Variants in CSTF2 observed in about 807,000 individuals in gnomAD.
CSTF2 encodes the protein CF-1 64 kDa subunit.
CSTF2 carries 8 observed loss-of-function variants against 45.4 expected under a neutral mutation model. That is an observed-to-expected ratio of 0.18 (90% CI 0.10 to 0.32). CSTF2 has a LOEUF of 0.32. CSTF2 is among the 10% of genes least tolerant of loss of function. CSTF2 has a pLI of 1.00. For missense variants in CSTF2, 253 were observed against 477.1 expected (o/e 0.53, Z 4.38); for synonymous variants, 155 against 158.9 (o/e 0.98, Z 0.18).
chrX:100,833,071 G>A, intron 10 of CSTF2, 109 bp from the exon 11 acceptor site: 1 of 1,005,822 alleles, frequency 9.9e-7, no homozygotes, highest in Non-Finnish European at 1.3e-6. Flanking sequence ...GTTAATAGCT[G>A]AGGGGACAAA....
rs1054650278 is a variant in CSTF2, at chrX:100,841,334, A to G, written c.*624A>G. On this transcript the variant is annotated 3_prime_UTR_variant, in exon 14 of 14. Coordinates refer to ENST00000372972, the MANE Select transcript of CSTF2 (RefSeq NM_001325.3). ...ATTTGTTTCAATAGCAGGTCTGAAC[A>G]TGTATAATTCAGAGTTAAGACAAAA... 6.2e-5 allele frequency among the ~76,000 whole-genome samples: 7 copies of G among 112,461 alleles called. No individual in the cohort carries two copies. In the Admixed American group the frequency reaches 6.6e-4, roughly 11 times the overall value.
chrX:100,831,704 C>T, intron 9 of CSTF2, 48 bp downstream of exon 9: 11 of 1,174,777 alleles, frequency 9.4e-6, no homozygotes, highest in Non-Finnish European at 1.2e-5. Context: ...AGAATTGTCC[C>T]TTCTTCCCTG....
At chrX:100,836,117 CTAA>C (rs1349618616) in intron 11 of CSTF2, among the ~76,000 whole-genome samples, 1 of 112,087 alleles carries the variant, frequency 8.9e-6, no homozygotes, top group African/African-American at 3.2e-5. Context: ...CAAATCTGTA[CTAA>C]TGTTTCATCT....
At position 100,824,251 on chromosome X, in the gene CSTF2, G is replaced by C. The variant is rs779199625; in HGVS notation, c.696G>C (p.Gln232His). 19 of 1,203,898 alleles carry C rather than the reference G, an allele frequency of 1.6e-5. No individual in the cohort carries two copies. The Admixed American group carries it at 4.3e-4, about 27-fold the overall frequency. ...NQQNPQAPQA[Q>H]SLGGMHVNGA... ...AGAATCCTCAGGCCCCTCAGGCCCA[G>C]TCTTTGGTAGGGCTTTATCCCTTAA... is the stretch of plus-strand genomic sequence containing the variant. The change falls in exon 6 of 14, where the codon CAG (glutamine) becomes CAC (histidine). Residue 232 changes from glutamine (Q) to histidine (H), a missense_variant. Physicochemically the swap from Gln to His is conservative, Grantham distance 24 (BLOSUM62 0). Around this residue, in one of 3 missense-constraint regions of CSTF2, gnomAD observed 200 missense variants for 294.0 expected, o/e 0.68. Coordinates refer to ENST00000372972, the MANE Select transcript of CSTF2 (RefSeq NM_001325.3).
chrX:100,836,211 T>C (rs1358927672), intron 11 of CSTF2, among the ~76,000 whole-genome samples: 1 of 112,713 alleles, frequency 8.9e-6, no homozygotes, highest in Non-Finnish European at 1.9e-5. Flanking sequence ...GTTTTTTAAC[T>C]TTTTTAATAA....
chrX:100,833,060 T>C, intron 10 of CSTF2, 120 bp from the exon 11 acceptor site: 1 of 978,483 alleles, frequency 1.0e-6, no homozygotes, highest in Non-Finnish European at 1.4e-6. Flanking sequence ...TAGTCTCATA[T>C]GTTAATAGCT....
intron 12 of CSTF2, among the ~76,000 whole-genome samples, chrX:100,837,981 G>A (rs1313665891): frequency 1.8e-5 from 2 of 111,484 alleles, no homozygotes; most frequent in East Asian, 2.8e-4. Context: ...GTTTTGAATC[G>A]TCTAATCTTA....
At chrX:100,830,201 C>T (rs2084967131) in intron 8 of CSTF2, among the ~76,000 whole-genome samples, 1 of 112,259 alleles carries the variant, frequency 8.9e-6, no homozygotes, top group African/African-American at 3.2e-5. Context: ...TGTTTATTAT[C>T]AAAGACTTGC....
At position 100,830,510 on chromosome X, in the gene CSTF2, C is replaced by T. The variant is rs183892719; in HGVS notation, c.890-1005C>T. Among the ~76,000 whole-genome samples the T allele has an allele frequency of 2.2e-4, 24 of 111,307 alleles. No individual in the cohort carries two copies. The Admixed American group carries it at 2.2e-3, about 10-fold the overall frequency. ...CTAATGATTTCATAAGGAGACCTAA[C>T]GGAAAACTAGTAGCAGAGGTGAAAA... is the stretch of plus-strand genomic sequence containing the variant. On this transcript the variant is annotated intron_variant, in intron 8 of 13. Coordinates refer to ENST00000372972, the MANE Select transcript of CSTF2 (RefSeq NM_001325.3).
At chrX:100,825,458 TAATA>T (rs1209444231) in intron 6 of CSTF2, among the ~76,000 whole-genome samples, 1 of 111,921 alleles carries the variant, frequency 8.9e-6, no homozygotes, top group Non-Finnish European at 1.9e-5. Flanking sequence ...TAAGATAATG[TAATA>T]AATTATCATT....
At chrX:100,839,607 G>A (rs1039507885) in intron 13 of CSTF2, among the ~76,000 whole-genome samples, 3 of 111,599 alleles carry the variant, frequency 2.7e-5, no homozygotes, top group African/African-American at 9.8e-5. Context: ...CATCATATAT[G>A]TATTTAGACC....
At position 100,831,549 on chromosome X, in the gene CSTF2, G is replaced by A; in HGVS notation, c.924G>A (p.Arg308=). Residue 308 remains arginine, a synonymous_variant, in exon 9 of 14, where the codon CGG becomes CGA. Transcript: ENST00000372972. ...PMQDPRAAMQ[R]GSLPANVPTP... ...AAGACCCCAGAGCAGCTATGCAGCGGGGATCCTTGCCTGCGAATGTCCCAA... is the reference window on the plus strand; with the variant it reads ...AAGACCCCAGAGCAGCTATGCAGCGAGGATCCTTGCCTGCGAATGTCCCAA... The A allele has an allele frequency of 1.7e-6, 2 of 1,211,578 alleles. No homozygotes were observed. Among genetic ancestry groups the A allele is most frequent in the Non-Finnish European group, 2.2e-6 (2 of 895,299 alleles).
chrX:100,820,497 A>C, intron 1 of CSTF2, 23 bp downstream of exon 1: 2 of 1,201,143 alleles, frequency 1.7e-6, no homozygotes, highest in Non-Finnish European at 2.3e-6. Context: ...CGTTGTAGTC[A>C]AGCTTCGGGG....
chrX:100,838,351 G>A lies in CSTF2; in HGVS notation c.1724G>A (p.Gly575Glu). ...AAGGAACAAATACAGAAATCCACTG[G>A]AGCACCTTGATAGGTGAGCAAACTT... Reference protein sequence around the residue: ...ILKEQIQKSTGAP With the variant: ...ILKEQIQKSTEAP The change falls in exon 13 of 14, where the codon GGA becomes GAA. Residue 575 changes from glycine to glutamate, a missense_variant. Transcript: ENST00000372972. 8.3e-7 allele frequency: 1 copy of A among 1,201,987 alleles called. No individual in the cohort carries two copies. Among genetic ancestry groups the A allele is most frequent in the Non-Finnish European group, 1.1e-6 (1 of 890,932 alleles).
chrX:100,828,292 A>G (rs1485371383), intron 8 of CSTF2, among the ~76,000 whole-genome samples, 190 bp downstream of exon 8: 2 of 111,986 alleles, frequency 1.8e-5, no homozygotes, highest in Admixed American at 1.9e-4. Context: ...GCCACAGGTG[A>G]CTAGTGGATA....
At chrX:100,829,880 T>A (rs745345873) in intron 8 of CSTF2, among the ~76,000 whole-genome samples, 24 of 112,516 alleles carry the variant, frequency 2.1e-4, no homozygotes, top group Non-Finnish European at 3.6e-4. Context: ...CTTCCTATTA[T>A]AGTTATCTTC....
At chrX:100,830,778 T>C in intron 8 of CSTF2, 1 of 1,115,459 alleles carries the variant, frequency 9.0e-7, no homozygotes, top group Non-Finnish European at 1.2e-6. Context: ...GTGTCTGCTC[T>C]TTCTCCTTTT....
chrX:100,825,453 T>C (rs1265429312), intron 6 of CSTF2, among the ~76,000 whole-genome samples: 1 of 111,797 alleles, frequency 8.9e-6, no homozygotes, highest in Non-Finnish European at 1.9e-5. Context: ...CAAAATAAGA[T>C]AATGTAATAA....
chrX:100,836,677 G>A (rs1376387661), intron 11 of CSTF2, among the ~76,000 whole-genome samples: 1 of 112,087 alleles, frequency 8.9e-6, no homozygotes, highest in East Asian at 2.8e-4. Flanking sequence ...TTAAGTACCA[G>A]TAAGTATGAT....
Sources: allele counts gnomAD v4.1 joint callset (sites outside exome capture counted in the v4.1 genomes callset), GRCh38; gene constraint gnomAD v4.1.1; regional missense constraint gnomAD v4.1.1; transcripts MANE v1.5; gene names NCBI Gene and HGNC (gene_info 2026-07-23, HGNC 2026-07-21).